DTNBP1: variants seen among roughly 807,000 people sequenced by gnomAD.
DTNBP1 encodes the protein dysbindin.
DTNBP1 carries 35 observed loss-of-function variants against 42.8 expected under a neutral mutation model. The ratio of observed to expected loss-of-function variants is 0.82; its 90% confidence interval spans 0.63 to 1.09. The LOEUF (loss-of-function observed/expected upper bound fraction) is 1.09, where lower values mean the gene tolerates loss of function less well. DTNBP1 is among the 50% of genes least tolerant of loss of function. The pLI is 0.00. For synonymous variants in DTNBP1, 171 were observed against 162.2 expected, an observed-to-expected ratio of 1.05 and a Z score of -0.41; for missense variants, 457 against 424.2, an observed-to-expected ratio of 1.08 and a Z score of -0.68.
intron 7 of DTNBP1, among the ~76,000 whole-genome samples, chr6:15,568,370 C>T (rs1006534324): frequency 1.9e-4 from 29 of 152,200 alleles, no homozygotes; most frequent in African/African-American, 7.0e-4. Flanking sequence ...TTCTTTGTAT[C>T]TTCATTTCTG....
chr6:15,571,623 C>G (rs992105701), intron 7 of DTNBP1, among the ~76,000 whole-genome samples: 29 of 152,206 alleles, frequency 1.9e-4, no homozygotes, highest in African/African-American at 6.8e-4. Context: ...AATGCATTAC[C>G]TCTAGGCACT....
chr6:15,572,729 G>A (rs1191243671), intron 7 of DTNBP1, among the ~76,000 whole-genome samples: 4 of 152,142 alleles, frequency 2.6e-5, no homozygotes, highest in Non-Finnish European at 5.9e-5. Flanking sequence ...TAGATTCCAT[G>A]TTCTTCTTTT....
At chr6:15,641,053 C>T (rs1760317562) in intron 3 of DTNBP1, among the ~76,000 whole-genome samples, 1 of 152,224 alleles carries the variant, frequency 6.6e-6, no homozygotes. Context: ...GCTACTGTTG[C>T]AAACCCCTCC....
At chr6:15,611,224 C>T (rs539270146) in intron 6 of DTNBP1, among the ~76,000 whole-genome samples, 1 of 152,312 alleles carries the variant, frequency 6.6e-6, no homozygotes, top group African/African-American at 2.4e-5. Context: ...TAAATTTACT[C>T]TGCCTGTGCT....
chr6:15,558,394 G>A (rs950067777), intron 7 of DTNBP1, among the ~76,000 whole-genome samples: 1 of 151,602 alleles, frequency 6.6e-6, no homozygotes, highest in Admixed American at 6.6e-5. Flanking sequence ...AGCCTCCCAA[G>A]TATCTGGGAC....
intron 8 of DTNBP1, among the ~76,000 whole-genome samples, chr6:15,529,057 G>C (rs980088944): frequency 3.3e-5 from 5 of 152,206 alleles, no homozygotes; most frequent in African/African-American, 9.6e-5. Context: ...GGCCCAGGTG[G>C]GAGGATCACT....
chr6:15,573,954 C>T (rs1427673859), intron 7 of DTNBP1, among the ~76,000 whole-genome samples: 4 of 152,210 alleles, frequency 2.6e-5, no homozygotes, highest in African/African-American at 9.7e-5. Flanking sequence ...ATCCACCCAC[C>T]TCGGCCTCCC....
At chr6:15,530,668 C>G (rs957474516) in intron 8 of DTNBP1, among the ~76,000 whole-genome samples, 1 of 152,188 alleles carries the variant, frequency 6.6e-6, no homozygotes, top group African/African-American at 2.4e-5. Flanking sequence ...ATCATCCTCT[C>G]GGGGGTGCAT....
intron 7 of DTNBP1, among the ~76,000 whole-genome samples, chr6:15,571,337 A>T (rs1191968777): frequency 1.3e-5 from 2 of 152,244 alleles, no homozygotes; most frequent in Non-Finnish European, 2.9e-5. Flanking sequence ...GTTCAAGTTC[A>T]TTCAAAGAAC....
At chr6:15,623,370 G>C (rs963508318) in intron 5 of DTNBP1, among the ~76,000 whole-genome samples, 11 of 152,130 alleles carry the variant, frequency 7.2e-5, no homozygotes, top group Admixed American at 2.6e-4. Context: ...TTATATCTAA[G>C]AATTCTTATC....
intron 3 of DTNBP1, among the ~76,000 whole-genome samples, chr6:15,651,101 A>G (rs1001952972): frequency 3.9e-5 from 6 of 152,226 alleles, no homozygotes; most frequent in Admixed American, 6.5e-5. Flanking sequence ...TGTAAATACA[A>G]TAGTGATCTG....
intron 8 of DTNBP1, among the ~76,000 whole-genome samples, chr6:15,528,918 G>T (rs1427131035): frequency 6.6e-6 from 1 of 152,228 alleles, no homozygotes; most frequent in Non-Finnish European, 1.5e-5. Context: ...CCAGGGGACT[G>T]TGGGACTGCT....
chr6:15,567,493 CA>C, intron 7 of DTNBP1, among the ~76,000 whole-genome samples: 1 of 129,680 alleles, frequency 7.7e-6, no homozygotes, highest in Non-Finnish European at 1.7e-5. Flanking sequence ...AACAAACAAA[CA>C]AACCTTGGTC....
intron 7 of DTNBP1, chr6:15,579,868 G>A (rs1297609736): frequency 4.4e-6 from 2 of 455,270 alleles, no homozygotes; most frequent in South Asian, 3.1e-5. Context: ...AAATGTTTGA[G>A]GTGATAGATA....
At chr6:15,661,682 GTA>G (rs1398961307) in intron 1 of DTNBP1, among the ~76,000 whole-genome samples, 3 of 151,940 alleles carry the variant, frequency 2.0e-5, no homozygotes, top group African/African-American at 7.3e-5. Context: ...ATTTAAAACA[GTA>G]TGAGTGGAAA....
At position 15,523,100 on chromosome 6, in the gene DTNBP1, T is replaced by G. The variant is rs746142186; in HGVS notation, c.931A>C (p.Ser311Arg). Residue 311 changes from serine to arginine, a missense_variant, in exon 10 of 10, where the codon AGT (serine) becomes CGT (arginine). Physicochemically the swap from Ser to Arg is moderately radical, Grantham distance 110 (BLOSUM62 -1). Coordinates refer to ENST00000344537, the MANE Select transcript of DTNBP1 (RefSeq NM_032122.5). ...TCTDSATRDI[S>R]EGGESPVVQS... The stretch of plus-strand genomic sequence containing the variant: ...ACAACGGGGGACTCCCCACCCTCAC[T>G]GATGTCCCGGGTGGCCGAGTCGGTG... 6.2e-6 allele frequency: 10 copies of G among 1,614,204 alleles called. No homozygotes were observed. In the South Asian group the frequency reaches 9.9e-5, roughly 16 times the overall value.
rs1313268511 is a variant in DTNBP1, at chr6:15,615,058, G to C, written c.488+209C>G. 14 of 744,648 alleles carry C rather than the reference G, an allele frequency of 1.9e-5. No homozygotes were observed. The East Asian group carries it at 4.1e-4, about 22-fold the overall frequency. 46.1% of individuals were successfully genotyped at this position (744,648 alleles called of 1,614,324 possible). A position where few individuals can be genotyped will look rare whatever the true frequency, so the allele number is the denominator to read the frequency against. On this transcript the variant is annotated intron_variant, in intron 6 of 9. Coordinates refer to ENST00000344537, the MANE Select transcript of DTNBP1 (RefSeq NM_032122.5). ...CTTCATCTTTATATTTGGGATTCAT[G>C]TTTTACCTTCTCCTGAGTTTTTTAT... is the stretch of plus-strand genomic sequence containing the variant.
At chr6:15,546,161 G>T (rs1581296120) in intron 7 of DTNBP1, 18 of 354,308 alleles carry the variant, frequency 5.1e-5, no homozygotes, top group South Asian at 4.0e-4. Context: ...CGCCTCCAGG[G>T]TTCAAGCAAT....
intron 4 of DTNBP1, among the ~76,000 whole-genome samples, chr6:15,633,518 G>T (rs1221659982): frequency 6.6e-6 from 1 of 152,202 alleles, no homozygotes; most frequent in African/African-American, 2.4e-5. Flanking sequence ...AATAGCAAGA[G>T]AACTCGAATT....
Sources: gnomAD v4.1 joint callset for allele counts (sites outside exome capture counted in the v4.1 genomes callset) on GRCh38, gnomAD v4.1.1 for gene constraint, MANE v1.5 for transcripts, NCBI Gene and HGNC (gene_info 2026-07-23, HGNC 2026-07-21) for gene names.